The following NFIA variants were observed in gnomAD, a reference collection of about 807,000 sequenced individuals.
NFIA encodes the protein nuclear factor 1 A-type.
In NFIA, 8 loss-of-function variants were observed where a neutral mutation model predicts 62.8. The ratio of observed to expected loss-of-function variants is 0.13; its 90% confidence interval spans 0.07 to 0.23. The LOEUF (loss-of-function observed/expected upper bound fraction) is 0.23, where lower values mean the gene tolerates loss of function less well. Among genes scored for constraint, NFIA ranks in the 10% least tolerant of loss-of-function variants. NFIA has a pLI of 1.00. For missense variants in NFIA, 410 were observed against 642.1 expected (o/e 0.64, Z 3.91); for synonymous variants, 235 against 238.1 (o/e 0.99, Z 0.12).
chr1:61,403,083 C>G (rs2474385), intron 7 of NFIA, among the ~76,000 whole-genome samples: 1,606 of 152,238 alleles, frequency 0.011, 22 homozygotes, highest in African/African-American at 0.037. Flanking sequence ...TGTGGACATT[C>G]CTGTGATTTT....
chr1:61,262,285 G>T (rs1381703506), intron 2 of NFIA, among the ~76,000 whole-genome samples: 1 of 152,232 alleles, frequency 6.6e-6, no homozygotes, highest in African/African-American at 2.4e-5. Context: ...GTTTCTTACA[G>T]CATGACTTTG....
intron 10 of NFIA, among the ~76,000 whole-genome samples, chr1:61,441,295 G>GTGTACAC (rs1553122125): frequency 1.7e-4 from 9 of 54,256 alleles, no homozygotes; most frequent in Non-Finnish European, 3.4e-4. Context: ...GTGCAGGGGT[G>GTGTACAC]TGTGTGTGTG....
At chr1:61,404,083 T>C in intron 7 of NFIA, 21 bp from the exon 8 acceptor site, 7 of 1,613,252 alleles carry the variant, frequency 4.3e-6, no homozygotes, top group Non-Finnish European at 5.9e-6. Flanking sequence ...TTCATAACCC[T>C]GATGTTTTCT....
rs926280207 is a variant in NFIA, at chr1:61,457,465, T to A, written c.*2145T>A. The A allele has an allele frequency of 6.6e-6, 1 of 152,122 alleles. No homozygotes were observed. Among genetic ancestry groups the A allele is most frequent in the Non-Finnish European group, 1.5e-5 (1 of 68,020 alleles). 9.4% of individuals were successfully genotyped at this position (152,122 alleles called of 1,614,324 possible). A position where few individuals can be genotyped will look rare whatever the true frequency, so the allele number is the denominator to read the frequency against. ...AGTCTTTATTGTCCTGTACGGTCGGTGGCAGTGCTATTCTGAGATCTGTAG... is the reference window on the plus strand; with the variant it reads ...AGTCTTTATTGTCCTGTACGGTCGGAGGCAGTGCTATTCTGAGATCTGTAG... On this transcript the variant is annotated 3_prime_UTR_variant, in exon 11 of 11. Coordinates refer to ENST00000403491, the MANE Select transcript of NFIA (RefSeq NM_001134673.4). This position sits in a 1 kb window ranked among gnomAD's most constrained non-coding sequence, Gnocchi z 4.2.
chr1:61,358,739 A>T (rs1243545456), intron 5 of NFIA, among the ~76,000 whole-genome samples: 2 of 152,056 alleles, frequency 1.3e-5, no homozygotes, highest in African/African-American at 4.8e-5. Flanking sequence ...ATCCTTTCTG[A>T]GGTTCCAGCA....
At chr1:61,184,104 T>G (rs1430158920) in intron 2 of NFIA, among the ~76,000 whole-genome samples, 5 of 125,500 alleles carry the variant, frequency 4.0e-5, no homozygotes, top group African/African-American at 1.3e-4. Context: ...CCGTAAGGTT[T>G]ATGGGGGGGG....
At position 61,364,972 on chromosome 1, in the gene NFIA, GC is replaced by G. The variant is rs1375001019; in HGVS notation, c.946+5700del. ...GCCCAAGGTGGGAGGATTGCTTGAGGCCAGGAGCTTGAGATCAGCCTAAGTA... is the reference window on the plus strand; with the variant it reads ...GCCCAAGGTGGGAGGATTGCTTGAGGCAGGAGCTTGAGATCAGCCTAAGTA... On this transcript the variant is annotated intron_variant, in intron 6 of 10. Coordinates refer to ENST00000403491, the MANE Select transcript of NFIA (RefSeq NM_001134673.4). 2.0e-5 allele frequency among the ~76,000 whole-genome samples: 3 copies of G among 152,134 alleles called. No individual in the cohort carries two copies. The East Asian group carries it at 5.8e-4, about 29-fold the overall frequency.
chr1:61,401,751 A>G (rs746747185), intron 7 of NFIA, among the ~76,000 whole-genome samples: 6 of 152,274 alleles, frequency 3.9e-5, no homozygotes, highest in Admixed American at 2.0e-4. Flanking sequence ...TAGGCTCAGT[A>G]TATTCTCAGC....
At chr1:61,423,217 T>C (rs1013546194) in intron 9 of NFIA, among the ~76,000 whole-genome samples, 1 of 150,758 alleles carries the variant, frequency 6.6e-6, no homozygotes, top group Non-Finnish European at 1.5e-5. Flanking sequence ...CATAGCGCTA[T>C]TGCTAATATA....
Position 61,162,696 on chromosome 1 carries a change from C to T in NFIA, c.559+74016C>T, listed in dbSNP as rs1450673271. ...GAATCAGACCCCATGGAGGGTGGAA[C>T]ATTCTGATTAGCCAGCAAGGGCAGT... On this transcript the variant is annotated intron_variant, in intron 2 of 10. Coordinates refer to ENST00000403491, the MANE Select transcript of NFIA (RefSeq NM_001134673.4). Among the ~76,000 whole-genome samples the T allele has an allele frequency of 2.6e-5, 4 of 152,312 alleles. No individual in the cohort carries two copies. In the East Asian group the frequency reaches 7.7e-4, roughly 29 times the overall value.
chr1:61,231,155 T>A (rs1654648947), intron 2 of NFIA, among the ~76,000 whole-genome samples: 1 of 152,244 alleles, frequency 6.6e-6, no homozygotes, highest in Admixed American at 6.5e-5. Context: ...TTAACAAATT[T>A]GATACTCATG....
intron 2 of NFIA, among the ~76,000 whole-genome samples, chr1:61,190,222 G>A (rs1454917707): frequency 2.6e-5 from 4 of 152,088 alleles, no homozygotes; most frequent in African/African-American, 9.7e-5. Flanking sequence ...TAGAGGCCAC[G>A]GTCTTAATGA....
intron 2 of NFIA, among the ~76,000 whole-genome samples, chr1:61,256,384 C>T (rs1434326723): frequency 2.0e-5 from 3 of 148,410 alleles, no homozygotes; most frequent in African/African-American, 5.0e-5. Context: ...TGCAGTGAGC[C>T]AAGATCGCAC....
At chr1:61,448,927 A>C (rs982017641) in intron 10 of NFIA, among the ~76,000 whole-genome samples, 1 of 152,174 alleles carries the variant, frequency 6.6e-6, no homozygotes, top group South Asian at 2.1e-4. Flanking sequence ...TTGTGTATGC[A>C]CTCTCAAGGT....
intron 10 of NFIA, among the ~76,000 whole-genome samples, chr1:61,449,237 A>G (rs567732730): frequency 3.2e-4 from 48 of 152,300 alleles, no homozygotes; most frequent in African/African-American, 1.0e-3. Flanking sequence ...TTGGGGAGAC[A>G]TGGTCATGTG....
At chr1:61,298,468 C>T (rs74801711) in intron 3 of NFIA, among the ~76,000 whole-genome samples, 3,416 of 152,160 alleles carry the variant, frequency 0.022, 58 homozygotes, top group Non-Finnish European at 0.034. Flanking sequence ...GACAAAGAAA[C>T]GATCAGTTCA....
At chr1:61,275,105 C>T (rs1657730693) in intron 2 of NFIA, among the ~76,000 whole-genome samples, 1 of 152,090 alleles carries the variant, frequency 6.6e-6, no homozygotes, top group Admixed American at 6.5e-5. Flanking sequence ...AATTAAATTC[C>T]GTTTTCAGTT....
At chr1:61,233,613 C>G (rs1276139325) in intron 2 of NFIA, among the ~76,000 whole-genome samples, 1 of 152,126 alleles carries the variant, frequency 6.6e-6, no homozygotes, top group Non-Finnish European at 1.5e-5. Context: ...TGGTTGAAAT[C>G]CTGGGGCCTT....
chr1:61,254,501 G>T (rs868030163), intron 2 of NFIA, among the ~76,000 whole-genome samples: 4 of 152,284 alleles, frequency 2.6e-5, no homozygotes, highest in South Asian at 4.1e-4. Context: ...TAGGGAAGTA[G>T]AAATTCACTG....
Sources: gnomAD v4.1 joint callset for allele counts (sites outside exome capture counted in the v4.1 genomes callset) on GRCh38, gnomAD v4.1.1 for gene constraint, Gnocchi (gnomAD v3.1) non-coding constraint, MANE v1.5 for transcripts, NCBI Gene and HGNC (gene_info 2026-07-23, HGNC 2026-07-21) for gene names.